Variants in DCLK1 observed in about 807,000 individuals in gnomAD.
DCLK1 encodes doublecortin like kinase 1.
DCLK1 carries 16 observed loss-of-function variants against 86.2 expected under a neutral mutation model. That is an observed-to-expected ratio of 0.19 (90% confidence interval 0.13 to 0.28). The LOEUF is 0.28. DCLK1 is among the 10% of genes least tolerant of loss of function. The pLI, the probability that DCLK1 is intolerant of heterozygous loss-of-function variation, is 1.00. For missense variants in DCLK1, 590 were observed against 940.2 expected (o/e 0.63, Z 4.87); for synonymous variants, 369 against 370.5 (o/e 1.00, Z 0.05).
chr13:35,936,679 A>G (rs1018123897), intron 4 of DCLK1, among the ~76,000 whole-genome samples: 4 of 152,218 alleles, frequency 2.6e-5, no homozygotes, highest in Non-Finnish European at 5.9e-5. Context: ...AGCCTCTGGC[A>G]GAAAACTGAA....
chr13:36,088,058 T>C (rs895632765), intron 3 of DCLK1, among the ~76,000 whole-genome samples: 2 of 152,212 alleles, frequency 1.3e-5, no homozygotes, highest in African/African-American at 4.8e-5. Flanking sequence ...TGTTTCTTCA[T>C]CATTGAAGAC....
At chr13:36,130,866 C>T (rs1363852545) in intron 1 of DCLK1, among the ~76,000 whole-genome samples, 3 of 152,220 alleles carry the variant, frequency 2.0e-5, no homozygotes, top group Non-Finnish European at 4.4e-5. Context: ...GTTTAAAGCC[C>T]CATGGCACCA....
In DCLK1 at chr13:35,901,889, A is replaced by ATT. The variant is rs34029733; in HGVS notation, c.824-30551_824-30550dup. 5.4e-5 allele frequency among the ~76,000 whole-genome samples: 8 copies of ATT among 149,114 alleles called. No homozygotes were observed. The South Asian group carries it at 6.3e-4, about 12-fold the overall frequency. On this transcript the variant is annotated intron_variant, in intron 4 of 16. Transcript: ENST00000360631. ...AGCCTTGCTTTATTATGCAGAGCAAATTTTTTTTTTTTGAGGGAGCATTTG... is the reference window on the plus strand; with the variant it reads ...AGCCTTGCTTTATTATGCAGAGCAAATTTTTTTTTTTTTTGAGGGAGCATTTG...
Position 36,043,325 on chromosome 13 carries a change from T to A in DCLK1, c.723+68544A>T, listed in dbSNP as rs186108995. Among the ~76,000 whole-genome samples, 673 of 150,084 alleles carry A rather than the reference T, an allele frequency of 4.5e-3. 2 individuals carry two copies. Among genetic ancestry groups the A allele is most frequent in the Non-Finnish European group, 6.8e-3 (456 of 67,392 alleles). Reference sequence around the variant, plus strand: ...AGAACTTTTAAAGCTCCTAGAAATTTAAAAAAAAAACTTTATTAAAAGGTA... The same window carrying A: ...AGAACTTTTAAAGCTCCTAGAAATTAAAAAAAAAAACTTTATTAAAAGGTA... On this transcript the variant is annotated intron_variant, in intron 3 of 16. Coordinates refer to ENST00000360631, the MANE Select transcript of DCLK1 (RefSeq NM_001330071.2).
At chr13:35,976,633 T>C (rs1211826581) in intron 3 of DCLK1, among the ~76,000 whole-genome samples, 1 of 149,070 alleles carries the variant, frequency 6.7e-6, no homozygotes, top group Non-Finnish European at 1.5e-5. Flanking sequence ...CGGGTTCATT[T>C]CATTCTCCTG....
Position 35,854,557 on chromosome 13 carries a change from C to T in DCLK1, c.977G>A (p.Arg326His), listed in dbSNP as rs373217123. The change falls in exon 6 of 17, where the codon CGC becomes CAC. Residue 326 changes from arginine (R) to histidine (H), a missense_variant. Transcript: ENST00000360631. The part of the protein sequence containing the change: ...GTPGSQLSTP[R>H]SGKSPSPSPT... ...TGATGGGCTTGGCGACTTGCCTGAG[C>T]GCGGAGTAGAGAGCTGACTACCAGG... The T allele has an allele frequency of 8.7e-6, 14 of 1,604,112 alleles. No individual in the cohort carries two copies. The African/African-American group carries it at 9.4e-5, about 11-fold the overall frequency.
intron 3 of DCLK1, among the ~76,000 whole-genome samples, chr13:35,971,373 A>T (rs1879050751): frequency 6.6e-6 from 1 of 152,184 alleles, no homozygotes; most frequent in Admixed American, 6.5e-5. Context: ...TTTTAGGTTG[A>T]AGGACATGAC....
chr13:35,895,183 C>G (rs1286556865), intron 4 of DCLK1, among the ~76,000 whole-genome samples: 12 of 152,028 alleles, frequency 7.9e-5, no homozygotes, highest in Admixed American at 7.9e-4. Context: ...AAGCGATTCT[C>G]CCACCTTGGC....
At chr13:35,887,605 G>A (rs925805899) in intron 4 of DCLK1, among the ~76,000 whole-genome samples, 2 of 151,990 alleles carry the variant, frequency 1.3e-5, no homozygotes, top group Non-Finnish European at 2.9e-5. Flanking sequence ...ATGGCCATTC[G>A]TATCATTTCA....
intron 8 of DCLK1, 37 bp from the exon 9 acceptor site, chr13:35,828,344 T>C (rs746118313): frequency 6.6e-7 from 1 of 1,517,936 alleles, no homozygotes; most frequent in Non-Finnish European, 9.0e-7. Context: ...AAATGAAACT[T>C]AACTTCAAAT....
intron 3 of DCLK1, among the ~76,000 whole-genome samples, chr13:36,071,588 A>C (rs1358249382): frequency 2.0e-5 from 3 of 152,178 alleles, no homozygotes; most frequent in African/African-American, 7.2e-5. Flanking sequence ...CTTTACCAGG[A>C]AGTATGGGTG....
chr13:35,972,162 A>T (rs1035416431), intron 3 of DCLK1, among the ~76,000 whole-genome samples: 32 of 152,090 alleles, frequency 2.1e-4, no homozygotes, highest in African/African-American at 7.5e-4. Context: ...CCACCTAGAC[A>T]TTTCTCTCCT....
intron 3 of DCLK1, among the ~76,000 whole-genome samples, chr13:35,957,132 G>T (rs1878030520): frequency 6.6e-6 from 1 of 152,104 alleles, no homozygotes; most frequent in African/African-American, 2.4e-5. Flanking sequence ...TAATAGAATA[G>T]GTTTGGGGCA....
At chr13:35,874,097 A>C (rs1338785346) in intron 4 of DCLK1, among the ~76,000 whole-genome samples, 5 of 152,172 alleles carry the variant, frequency 3.3e-5, no homozygotes, top group Non-Finnish European at 7.3e-5. Flanking sequence ...ATCCCATTTT[A>C]CGCTTTAGTA....
chr13:35,883,054 G>A (rs1004305308), intron 4 of DCLK1, among the ~76,000 whole-genome samples: 1 of 152,162 alleles, frequency 6.6e-6, no homozygotes, highest in African/African-American at 2.4e-5. Context: ...GAAGTCAGCC[G>A]TGGATACACT....
At chr13:36,064,707 C>G (rs1046426810) in intron 3 of DCLK1, among the ~76,000 whole-genome samples, 1 of 148,018 alleles carries the variant, frequency 6.8e-6, no homozygotes, top group Non-Finnish European at 1.5e-5. Flanking sequence ...AAATGGGTAA[C>G]TTCATCTTTA....
At chr13:35,970,102 A>G (rs1444667028) in intron 3 of DCLK1, among the ~76,000 whole-genome samples, 1 of 152,176 alleles carries the variant, frequency 6.6e-6, no homozygotes, top group Non-Finnish European at 1.5e-5. Context: ...CTCTCTCACA[A>G]TCTAAAGGTC....
chr13:35,925,427 T>C (rs964543013), intron 4 of DCLK1, among the ~76,000 whole-genome samples: 5 of 152,232 alleles, frequency 3.3e-5, no homozygotes, highest in African/African-American at 1.2e-4. Context: ...AATATGCTAA[T>C]GTTCTCACCA....
At chr13:35,783,449 CAG>C (rs1365064108) in intron 16 of DCLK1, among the ~76,000 whole-genome samples, 1 of 152,092 alleles carries the variant, frequency 6.6e-6, no homozygotes, top group Admixed American at 6.5e-5. Context: ...GAAAATCAGA[CAG>C]AGAATGTAAC....
Sources: allele counts gnomAD v4.1 joint callset (sites outside exome capture counted in the v4.1 genomes callset), GRCh38; gene constraint gnomAD v4.1.1; transcripts MANE v1.5; gene names NCBI Gene and HGNC (gene_info 2026-07-23, HGNC 2026-07-21).